LAMA2: variants seen among roughly 807,000 people sequenced by gnomAD.
LAMA2 encodes the protein laminin subunit alpha 2.
Under a neutral mutation model 364.8 loss-of-function variants are expected in LAMA2, and 269 were observed. The ratio of observed to expected loss-of-function variants is 0.74; its 90% confidence interval spans 0.67 to 0.82. The LOEUF (loss-of-function observed/expected upper bound fraction) is 0.82. Among genes scored for constraint, LAMA2 ranks in the 40% least tolerant of loss-of-function variants. LAMA2 has a pLI of 0.00. For missense variants in LAMA2, 3,807 were observed against 3,873.2 expected, an observed-to-expected ratio of 0.98 and a Z score of 0.45; for synonymous variants, 1,379 against 1,370.6, an observed-to-expected ratio of 1.01 and a Z score of -0.14.
chr6:129,257,165 A>G lies in LAMA2; in HGVS notation c.2097-3546A>G, dbSNP rs189489680. Among the ~76,000 whole-genome samples, 43 of 152,184 alleles carry G rather than the reference A, an allele frequency of 2.8e-4. No homozygotes were observed. In the East Asian group the frequency reaches 8.1e-3, roughly 29 times the overall value. The stretch of plus-strand genomic sequence containing the variant: ...ATATTATTGCCAACATTATGTATTT[A>G]AATGAATGCAGCTTGATATCAAGAG... On this transcript the variant is annotated intron_variant, in intron 14 of 64. Transcript: ENST00000421865.
intron 1 of LAMA2, among the ~76,000 whole-genome samples, chr6:128,997,353 A>T (rs141902012): frequency 4.5e-5 from 1 of 22,268 alleles, no homozygotes; most frequent in African/African-American, 1.3e-4. Context: ...AAAGAAAGAA[A>T]GAACGAAAGA....
chr6:129,090,424 A>G (rs1339522340), intron 3 of LAMA2, among the ~76,000 whole-genome samples: 2 of 152,212 alleles, frequency 1.3e-5, no homozygotes, highest in African/African-American at 2.4e-5. Context: ...TAATATTAAC[A>G]AATATTTACT....
At chr6:129,099,369 ATTAT>A (rs1404697221) in intron 4 of LAMA2, among the ~76,000 whole-genome samples, 2 of 151,930 alleles carry the variant, frequency 1.3e-5, no homozygotes, top group Non-Finnish European at 2.9e-5. Flanking sequence ...CATTACTACT[ATTAT>A]TTTTATTATT....
intron 27 of LAMA2, 46 bp downstream of exon 27, chr6:129,316,217 A>G: frequency 6.7e-7 from 1 of 1,482,214 alleles, no homozygotes; most frequent in Non-Finnish European, 9.4e-7. Flanking sequence ...TAGAGTCTGT[A>G]AGGAAGGTTA....
chr6:129,447,002 A>G (rs991599008), intron 45 of LAMA2, among the ~76,000 whole-genome samples: 1 of 152,232 alleles, frequency 6.6e-6, no homozygotes, highest in African/African-American at 2.4e-5. Flanking sequence ...GCCAGGCAGT[A>G]TCGTTGACAT....
intron 1 of LAMA2, among the ~76,000 whole-genome samples, chr6:129,022,861 T>A (rs1222326066): frequency 2.0e-5 from 3 of 152,146 alleles, no homozygotes; most frequent in African/African-American, 7.2e-5. Flanking sequence ...ATGGGAATTT[T>A]AAAAATTATT....
intron 10 of LAMA2, among the ~76,000 whole-genome samples, chr6:129,178,653 C>T (rs868110428): frequency 5.3e-5 from 8 of 152,020 alleles, no homozygotes; most frequent in Middle Eastern, 3.2e-3. Flanking sequence ...ATGAAAGTTA[C>T]TACTTTTTTC....
At chr6:129,345,336 G>A (rs953747221) in intron 30 of LAMA2, among the ~76,000 whole-genome samples, 1 of 152,112 alleles carries the variant, frequency 6.6e-6, no homozygotes, top group African/African-American at 2.4e-5. Flanking sequence ...AACAGGGTAG[G>A]CCCGGTTTTG....
chr6:129,089,424 C>T (rs1306502359), intron 3 of LAMA2, among the ~76,000 whole-genome samples: 1 of 152,228 alleles, frequency 6.6e-6, no homozygotes, highest in Non-Finnish European at 1.5e-5. Context: ...CCAGGTATTT[C>T]TCCAGGGTGA....
chr6:128,911,447 C>G (rs962925087), intron 1 of LAMA2, among the ~76,000 whole-genome samples: 5 of 152,196 alleles, frequency 3.3e-5, no homozygotes, highest in African/African-American at 1.2e-4. Flanking sequence ...AGGGAACTCC[C>G]TGACCCCTTG....
chr6:129,361,760 G>A (rs1458661664), intron 32 of LAMA2, among the ~76,000 whole-genome samples: 3 of 151,518 alleles, frequency 2.0e-5, no homozygotes, highest in Admixed American at 6.6e-5. Flanking sequence ...TGTGAGGTGT[G>A]GCAAAGAAGT....
chr6:129,270,517 T>C (rs1787849026), intron 16 of LAMA2, 107 bp from the exon 17 acceptor site: 4 of 1,119,980 alleles, frequency 3.6e-6, no homozygotes, highest in Non-Finnish European at 5.4e-6. Context: ...ATGGAAAAAT[T>C]ATTCTTGCTG....
chr6:129,402,029 G>A (rs1219742871), intron 38 of LAMA2, among the ~76,000 whole-genome samples: 11 of 151,946 alleles, frequency 7.2e-5, no homozygotes, highest in African/African-American at 2.4e-4. Context: ...GCAACATGGC[G>A]AAACCCCGTC....
In LAMA2 at chr6:129,220,822, TGCTGTATCTCTTTTCA is replaced by T. The variant is rs565974251; in HGVS notation, c.1782+27975_1782+27990del. Among the ~76,000 whole-genome samples the T allele has an allele frequency of 3.7e-3, 570 of 152,310 alleles. 6 individuals carry two copies. The highest frequency in any genetic ancestry group is 0.013 in the African/African-American group (526 of 41,566). On this transcript the variant is annotated intron_variant, in intron 12 of 64. Coordinates refer to ENST00000421865, the MANE Select transcript of LAMA2 (RefSeq NM_000426.4). ...ATGGGACCTGTGTATTTTTTGTCTG[TGCTGTATCTCTTTTCA>T]GCTGTGAAAACTATTATTACTAAGT...
chr6:129,167,110 C>T (rs1206896780), intron 9 of LAMA2, among the ~76,000 whole-genome samples: 1 of 151,888 alleles, frequency 6.6e-6, no homozygotes, highest in South Asian at 2.1e-4. Flanking sequence ...CCTATTTATC[C>T]CAGTCTTACT....
intron 54 of LAMA2, among the ~76,000 whole-genome samples, chr6:129,480,553 GTGAATGAA>G (rs201815731): frequency 2.0e-5 from 3 of 152,078 alleles, no homozygotes; most frequent in South Asian, 2.1e-4. Context: ...TTGTGAAAGA[GTGAATGAA>G]TGAATGAATG....
intron 51 of LAMA2, among the ~76,000 whole-genome samples, chr6:129,465,581 T>C (rs1783501831): frequency 6.6e-6 from 1 of 151,924 alleles, no homozygotes; most frequent in African/African-American, 2.4e-5. Context: ...TTGAAAAATG[T>C]TGGGTGCTTT....
At chr6:129,511,259 G>C (rs573987674) in intron 62 of LAMA2, among the ~76,000 whole-genome samples, 101 of 152,016 alleles carry the variant, frequency 6.6e-4, no homozygotes, top group African/African-American at 2.3e-3. Context: ...CAATCACTGG[G>C]GCTTTTTTTT....
At chr6:128,954,092 C>G (rs780585352) in intron 1 of LAMA2, among the ~76,000 whole-genome samples, 1 of 152,076 alleles carries the variant, frequency 6.6e-6, no homozygotes, top group Admixed American at 6.5e-5. Flanking sequence ...AGAAACTTGT[C>G]TCTTCGACCA....
Sources: gnomAD v4.1 joint callset for allele counts (sites outside exome capture counted in the v4.1 genomes callset) on GRCh38, gnomAD v4.1.1 for gene constraint, MANE v1.5 for transcripts, NCBI Gene and HGNC (gene_info 2026-07-23, HGNC 2026-07-21) for gene names.